Variants in NTRK1 observed in about 807,000 individuals in gnomAD.
The protein encoded by NTRK1 is neurotrophic receptor tyrosine kinase 1.
Under a neutral mutation model 86.8 loss-of-function variants are expected in NTRK1, and 62 were observed. That is an observed-to-expected ratio of 0.71 (90% CI 0.58 to 0.88). NTRK1 has a LOEUF of 0.88. NTRK1 is among the 40% of genes least tolerant of loss of function. The pLI, the probability that NTRK1 is intolerant of heterozygous loss-of-function variation, is 0.00. For missense variants in NTRK1, 967 were observed against 1,078.4 expected, an observed-to-expected ratio of 0.90 and a Z score of 1.45; for synonymous variants, 469 against 456.6, an observed-to-expected ratio of 1.03 and a Z score of -0.35.
At position 156,864,825 on chromosome 1, in the gene NTRK1, G is replaced by A. The variant is rs746995221; in HGVS notation, c.359+26G>A. 5.0e-6 allele frequency: 8 copies of A among 1,604,712 alleles called. No homozygotes were observed. The South Asian group carries it at 7.9e-5, about 16-fold the overall frequency. On this transcript the variant is annotated intron_variant, in intron 3 of 16. Coordinates refer to ENST00000524377, the MANE Select transcript of NTRK1 (RefSeq NM_002529.4). ...GTGAGTGTGGCCAGTGCTGGGCAGT[G>A]GGAGTTGGGGAGGACACCCAGACTT...
At chr1:156,836,919 C>T (rs1210822378) in intron 1 of NTRK1, among the ~76,000 whole-genome samples, 3 of 152,176 alleles carry the variant, frequency 2.0e-5, no homozygotes, top group African/African-American at 7.2e-5. Context: ...GATCTCCTGG[C>T]TTTGGAAAAG....
intron 11 of NTRK1, among the ~76,000 whole-genome samples, chr1:156,875,237 T>C (rs1647828258): frequency 6.6e-6 from 1 of 151,622 alleles, no homozygotes; most frequent in Non-Finnish European, 1.5e-5. Context: ...CAGCTGCTAA[T>C]TGGTGGCTGG....
chr1:156,845,733 C>A (rs1475710550), intron 2 of NTRK1: 3 of 1,613,742 alleles, frequency 1.9e-6, no homozygotes, highest in Non-Finnish European at 2.5e-6. Flanking sequence ...GCAAGGGCAG[C>A]AGTCGGACTC....
At chr1:156,848,774 T>A in intron 2 of NTRK1, 1 of 905,960 alleles carries the variant, frequency 1.1e-6, no homozygotes. Flanking sequence ...GAGCCAGACC[T>A]GGGCCCTACC....
At chr1:156,875,224 C>T (rs534419402) in intron 11 of NTRK1, among the ~76,000 whole-genome samples, 84 of 151,344 alleles carry the variant, frequency 5.6e-4, no homozygotes, top group Admixed American at 2.4e-3. Flanking sequence ...GTTTCAGAGG[C>T]GGCAGCTGCT....
At position 156,868,117 on chromosome 1, in the gene NTRK1, AACC is replaced by A; in HGVS notation, c.443_445del (p.Asn148_Pro149delinsThr). On this transcript the variant is annotated inframe_deletion, in exon 5 of 17. Transcript: ENST00000524377. ...CATGCCCCCCAGGGTCCTGTCGGGG[AACC>A]CTCTGCACTGTTCTTGTGCCCTGCG... The A allele has an allele frequency of 6.2e-7, 1 of 1,613,874 alleles. No homozygotes were observed. Among genetic ancestry groups the A allele is most frequent in the Non-Finnish European group, 8.5e-7 (1 of 1,180,024 alleles).
intron 2 of NTRK1, 145 bp from the exon 3 acceptor site, chr1:156,864,583 G>T (rs962760831): frequency 5.4e-6 from 6 of 1,119,064 alleles, no homozygotes; most frequent in South Asian, 5.3e-5. Flanking sequence ...GCTTTGAGGG[G>T]TCTAGAGTAG....
chr1:156,851,379 G>A (rs1217053227), intron 2 of NTRK1: 3 of 1,613,962 alleles, frequency 1.9e-6, no homozygotes, highest in African/African-American at 1.3e-5. Flanking sequence ...TTTTGAGGAA[G>A]CCAGTAATGG....
rs2102909900 is a variant in NTRK1, at chr1:156,874,569, A to G, written c.1196-2A>G. 6.2e-7 allele frequency: 1 copy of G among 1,614,182 alleles called. No individual in the cohort carries two copies. The highest frequency in any genetic ancestry group is 8.5e-7 in the Non-Finnish European group (1 of 1,179,998). On this transcript the variant is annotated splice_acceptor_variant, in intron 9 of 16. Coordinates refer to ENST00000524377, the MANE Select transcript of NTRK1 (RefSeq NM_002529.4). LOFTEE classifies it high-confidence loss of function. Reference sequence around the variant, plus strand: ...CACCCCTCCTGCCCTGTGTCCCTACAGACACTAACAGCACATCTGGAGACC... The same window carrying G: ...CACCCCTCCTGCCCTGTGTCCCTACGGACACTAACAGCACATCTGGAGACC...
intron 1 of NTRK1, among the ~76,000 whole-genome samples, chr1:156,828,700 G>C (rs371057062): frequency 3.9e-4 from 60 of 152,252 alleles, no homozygotes; most frequent in Non-Finnish European, 7.2e-4. Flanking sequence ...TGGAAGGAGA[G>C]TGGTGGGGGT....
rs544847969 is a variant in NTRK1 at position 156,866,024 on chromosome 1, C to T, written c.360-886C>T. On this transcript the variant is annotated intron_variant, in intron 3 of 16. Transcript: ENST00000524377. ...TGGTGAGAGAGAGAGTGTTCTTGTC[C>T]CCATTTCATAGATGAGAATTCTGAG... is the stretch of plus-strand genomic sequence containing the variant. Among the ~76,000 whole-genome samples the T allele has an allele frequency of 4.6e-5, 7 of 152,296 alleles. No homozygotes were observed. In the South Asian group the frequency reaches 1.5e-3, roughly 32 times the overall value.
intron 6 of NTRK1, among the ~76,000 whole-genome samples, chr1:156,869,775 G>C (rs1439638053): frequency 6.6e-6 from 1 of 152,240 alleles, no homozygotes; most frequent in Non-Finnish European, 1.5e-5. Flanking sequence ...GGGCCGATGA[G>C]AGTAGCCACA....
intron 2 of NTRK1, chr1:156,846,708 G>C: frequency 1.2e-6 from 2 of 1,614,130 alleles, no homozygotes; most frequent in Non-Finnish European, 1.7e-6. Flanking sequence ...TTCCAGCTCT[G>C]GGTTCCACAA....
intron 15 of NTRK1, 61 bp downstream of exon 15, chr1:156,879,423 C>A (rs2102925661): frequency 6.4e-7 from 1 of 1,551,452 alleles, no homozygotes; most frequent in Non-Finnish European, 8.7e-7. Flanking sequence ...CCCTGGATCC[C>A]AAGACCACTG....
intron 12 of NTRK1, 52 bp from the exon 13 acceptor site, chr1:156,876,028 C>A: frequency 6.2e-7 from 1 of 1,613,894 alleles, no homozygotes; most frequent in South Asian, 1.1e-5. Context: ...CCCGCTACAA[C>A]CCCAGCCCTC....
At chr1:156,874,830 A>G (rs2102911469) in intron 10 of NTRK1, 76 bp from the exon 11 acceptor site, 2 of 1,278,690 alleles carry the variant, frequency 1.6e-6, no homozygotes, top group South Asian at 1.2e-5. Context: ...ATGCAGGATG[A>G]AAAAATGGCT....
Position 156,876,164 on chromosome 1 carries a change from G to A in NTRK1, c.1586G>A (p.Cys529Tyr), listed in dbSNP as rs759451509. 1 of 1,614,178 alleles carries A rather than the reference G, an allele frequency of 6.2e-7. No homozygotes were observed. The highest frequency in any genetic ancestry group is 1.1e-5 in the South Asian group (1 of 91,080). The change falls in exon 13 of 17, where the codon TGC (cysteine) becomes TAC (tyrosine). Residue 529 changes from cysteine (C) to tyrosine (Y), a missense_variant. Coordinates refer to ENST00000524377, the MANE Select transcript of NTRK1 (RefSeq NM_002529.4). ...TTTGGGAAGGTCTTCCTTGCTGAGT[G>A]CCACAACCTCCTGCCTGAGCAGGAC... ...GAFGKVFLAE[C>Y]HNLLPEQDKM...
chr1:156,868,873 C>T (rs1647348562), intron 6 of NTRK1, among the ~76,000 whole-genome samples: 1 of 152,166 alleles, frequency 6.6e-6, no homozygotes, highest in Non-Finnish European at 1.5e-5. Flanking sequence ...AGCAGGGACC[C>T]CAGGCTATAC....
chr1:156,846,147 G>T, intron 2 of NTRK1: 1 of 1,554,048 alleles, frequency 6.4e-7, no homozygotes. Context: ...ATGCAACTCA[G>T]GGGTGTGGGT....
Sources: gnomAD v4.1 joint callset for allele counts (sites outside exome capture counted in the v4.1 genomes callset) on GRCh38, gnomAD v4.1.1 for gene constraint, MANE v1.5 for transcripts, NCBI Gene and HGNC (gene_info 2026-07-23, HGNC 2026-07-21) for gene names.